The following NIPBL variants were observed in gnomAD, a reference collection of about 807,000 sequenced individuals.
NIPBL encodes nipped-B-like protein.
NIPBL carries 19 observed loss-of-function variants against 321.8 expected under a neutral mutation model. The ratio of observed to expected loss-of-function variants is 0.06; its 90% CI spans 0.04 to 0.09. The LOEUF (loss-of-function observed/expected upper bound fraction) is 0.09. Ranked by LOEUF, NIPBL falls within the 10% of genes least tolerant of loss-of-function variation. The pLI is 1.00. For synonymous variants in NIPBL, 1,106 were observed against 1,114.1 expected (o/e 0.99, Z 0.14); for missense variants, 2,210 against 3,327.0 (o/e 0.66, Z 8.26).
intron 24 of NIPBL, 31 bp from the exon 25 acceptor site, chr5:37,019,280 C>A (rs1310075759): frequency 4.3e-6 from 6 of 1,410,974 alleles, no homozygotes; most frequent in Admixed American, 3.3e-5. Context: ...CCAGTAATAT[C>A]TTTTTTGTTC....
chr5:36,903,153 TAGG>T (rs1363212177), intron 1 of NIPBL, among the ~76,000 whole-genome samples: 3 of 152,208 alleles, frequency 2.0e-5, no homozygotes. Flanking sequence ...TTATCAGATC[TAGG>T]AGTTCTTGAA....
At chr5:37,061,256 T>C (rs1160734455) in intron 45 of NIPBL, among the ~76,000 whole-genome samples, 1 of 152,228 alleles carries the variant, frequency 6.6e-6, no homozygotes, top group African/African-American at 2.4e-5. Flanking sequence ...AATTTTATTT[T>C]AGCAAAAATG....
chr5:37,023,698 A>T (rs1749916147), intron 29 of NIPBL, among the ~76,000 whole-genome samples: 2 of 150,990 alleles, frequency 1.3e-5, no homozygotes, highest in African/African-American at 4.9e-5. Context: ...AGTCAAAGGT[A>T]ATACATTGCA....
intron 1 of NIPBL, among the ~76,000 whole-genome samples, chr5:36,895,752 ATCT>A (rs1313282029): frequency 9.1e-4 from 138 of 152,134 alleles, no homozygotes; most frequent in African/African-American, 3.2e-3. Flanking sequence ...TCATTTGTGT[ATCT>A]TCTTTGGAGC....
rs887372033 is a variant in NIPBL at position 36,972,572 on chromosome 5, C to T, written c.868+531C>T. On this transcript the variant is annotated intron_variant, in intron 8 of 46. Coordinates refer to ENST00000282516, the MANE Select transcript of NIPBL (RefSeq NM_133433.4). ...GCATTGATTATTTTCATGCATAAGACTCCTAAATCAATCTTTGGCTCCAGT... is the reference window on the plus strand; with the variant it reads ...GCATTGATTATTTTCATGCATAAGATTCCTAAATCAATCTTTGGCTCCAGT... Among the ~76,000 whole-genome samples, 5 of 152,170 alleles carry T rather than the reference C, an allele frequency of 3.3e-5. No individual in the cohort carries two copies. In the South Asian group the frequency reaches 6.2e-4, roughly 19 times the overall value.
chr5:36,878,755 G>A (rs749910743), intron 1 of NIPBL, among the ~76,000 whole-genome samples: 1 of 152,142 alleles, frequency 6.6e-6, no homozygotes, highest in Non-Finnish European at 1.5e-5. Context: ...TAGCTGTCAC[G>A]TACTAGGCAT....
At chr5:36,940,399 T>C (rs1474575343) in intron 1 of NIPBL, among the ~76,000 whole-genome samples, 11 of 152,190 alleles carry the variant, frequency 7.2e-5, no homozygotes, top group Non-Finnish European at 1.3e-4. Context: ...TGAACTAATT[T>C]GTACGTACCT....
chr5:36,985,229 A>G lies in NIPBL; in HGVS notation c.2049A>G (p.Pro683=). The part of the protein sequence containing the change: ...QNENRLSDTK[P]NDNKQNNGRS... ...AAAATAGACTGTCTGACACAAAACC[A>G]AATGACAACAAACAAAATAATGGCA... Residue 683 remains proline (P), a synonymous_variant, in exon 10 of 47, where the codon CCA becomes CCG. Coordinates refer to ENST00000282516, the MANE Select transcript of NIPBL (RefSeq NM_133433.4). The G allele has an allele frequency of 6.2e-7, 1 of 1,613,838 alleles. No individual in the cohort carries two copies. The highest frequency in any genetic ancestry group is 8.5e-7 in the Non-Finnish European group (1 of 1,179,950).
intron 1 of NIPBL, among the ~76,000 whole-genome samples, chr5:36,889,513 C>G (rs1291661749): frequency 6.6e-6 from 1 of 152,132 alleles, no homozygotes; most frequent in African/African-American, 2.4e-5. Context: ...CAGGGTGCCA[C>G]TGCACTGTCC....
chr5:36,938,897 A>G (rs1467028842), intron 1 of NIPBL, among the ~76,000 whole-genome samples: 1 of 152,134 alleles, frequency 6.6e-6, no homozygotes, highest in Non-Finnish European at 1.5e-5. Context: ...GTGTGTGTGT[A>G]CAGTTGTGTG....
chr5:36,949,679 A>G (rs1479548835), intron 1 of NIPBL, among the ~76,000 whole-genome samples: 1 of 151,810 alleles, frequency 6.6e-6, no homozygotes, highest in African/African-American at 2.4e-5. Context: ...AAAATGATGC[A>G]TTTTTTTAAG....
Position 37,059,095 on chromosome 5 carries a change from G to A in NIPBL, c.7615G>A (p.Val2539Met). The change falls in exon 44 of 47, where the codon GTG becomes ATG. Residue 2539 changes from valine to methionine, a missense_variant. Physicochemically the swap from Val to Met is conservative, Grantham distance 21 (BLOSUM62 1). Coordinates refer to ENST00000282516, the MANE Select transcript of NIPBL (RefSeq NM_133433.4). ...AGCTCCTTTAATCGAATTTGCAAAT[G>A]TGTCCCAGGGTATTTTATTACTTCT... ...NSAPLIEFAN[V>M]SQGILLLLML... is the part of the protein sequence containing the mutation. The A allele has an allele frequency of 7.4e-6, 12 of 1,614,120 alleles. No individual in the cohort carries two copies. Among genetic ancestry groups the A allele is most frequent in the Non-Finnish European group, 1.0e-5 (12 of 1,179,996 alleles).
chr5:36,922,141 G>A (rs1748996232), intron 1 of NIPBL, among the ~76,000 whole-genome samples: 1 of 152,060 alleles, frequency 6.6e-6, no homozygotes, highest in African/African-American at 2.4e-5. Context: ...GCCCGCCTCA[G>A]CCTCCCAAAG....
chr5:36,897,801 C>G (rs1417124630), intron 1 of NIPBL, among the ~76,000 whole-genome samples: 3 of 146,370 alleles, frequency 2.0e-5, no homozygotes, highest in Admixed American at 7.0e-5. Context: ...AAAATAAATT[C>G]TATTGGTCAG....
Position 36,898,533 on chromosome 5 carries a change from C to T in NIPBL, c.-80+21355C>T, listed in dbSNP as rs577274661. The stretch of plus-strand genomic sequence containing the variant: ...TTCCTTTTTTTTTTTTTTTTTGAGA[C>T]GGAGTTTCGCTGTCATTGCCCAGGC... On this transcript the variant is annotated intron_variant, in intron 1 of 46. Transcript: ENST00000282516. Among the ~76,000 whole-genome samples, 6 of 134,706 alleles carry T rather than the reference C, an allele frequency of 4.5e-5. No individual in the cohort carries two copies. The East Asian group carries it at 8.6e-4, about 19-fold the overall frequency. 88.4% of individuals were successfully genotyped at this position (134,706 alleles called of 152,430 possible).
chr5:36,978,654 T>A (rs1448503917), intron 9 of NIPBL, among the ~76,000 whole-genome samples: 2 of 152,054 alleles, frequency 1.3e-5, no homozygotes, highest in Non-Finnish European at 2.9e-5. Flanking sequence ...AGTCATAAAT[T>A]CTTTAATTAG....
intron 6 of NIPBL, among the ~76,000 whole-genome samples, chr5:36,966,863 A>T (rs1343765625): frequency 2.6e-5 from 4 of 152,082 alleles, no homozygotes; most frequent in Non-Finnish European, 5.9e-5. Context: ...TTTAAGTCAT[A>T]AAATTATAAG....
intron 4 of NIPBL, among the ~76,000 whole-genome samples, chr5:36,960,390 A>C (rs1741479647): frequency 6.6e-6 from 1 of 151,662 alleles, no homozygotes; most frequent in Non-Finnish European, 1.5e-5. Context: ...AAAAACCTCC[A>C]GCAACAATAA....
At chr5:36,923,884 G>A (rs1749145177) in intron 1 of NIPBL, among the ~76,000 whole-genome samples, 1 of 152,124 alleles carries the variant, frequency 6.6e-6, no homozygotes, top group South Asian at 2.1e-4. Context: ...CTTATAAATG[G>A]ATAGAGCAAG....
Sources: allele counts gnomAD v4.1 joint callset (sites outside exome capture counted in the v4.1 genomes callset), GRCh38; gene constraint gnomAD v4.1.1; transcripts MANE v1.5; gene names NCBI Gene and HGNC (gene_info 2026-07-23, HGNC 2026-07-21).